The following SOCS5 variants were observed in gnomAD, a reference collection of about 807,000 sequenced individuals.
SOCS5 encodes the protein CIS-6.
SOCS5 carries 32 observed loss-of-function variants against 42.8 expected under a neutral mutation model. The ratio of observed to expected loss-of-function variants is 0.75; its 90% CI spans 0.56 to 1.01. The LOEUF (loss-of-function observed/expected upper bound fraction) is 1.01, where lower values mean the gene tolerates loss of function less well. SOCS5 is among the 50% of genes least tolerant of loss of function. The pLI is 0.00. For missense variants in SOCS5, 627 were observed against 653.0 expected, an observed-to-expected ratio of 0.96 and a Z score of 0.43; for synonymous variants, 283 against 229.6, an observed-to-expected ratio of 1.23 and a Z score of -2.10.
At chr2:46,754,472 A>G (rs1173501810) in intron 1 of SOCS5, among the ~76,000 whole-genome samples, 2 of 152,128 alleles carry the variant, frequency 1.3e-5, no homozygotes, top group African/African-American at 4.8e-5. Context: ...TTGACATTTA[A>G]TTAAATCACA....
rs1673873797 is a variant in SOCS5 at position 46,761,700 on chromosome 2, T to G, written c.*1559T>G. ...TAAATAAGCATTAACTAACAACCTT[T>G]CTATAGTTAATGCAGAGTTAATGAA... On this transcript the variant is annotated 3_prime_UTR_variant, in exon 2 of 2. Coordinates refer to ENST00000394861, the MANE Select transcript of SOCS5 (RefSeq NM_144949.3). 1 of 166,768 alleles carries G rather than the reference T, an allele frequency of 6.0e-6. No homozygotes were observed. The highest frequency in any genetic ancestry group is 1.5e-5 in the Non-Finnish European group (1 of 68,086). The allele number at this position is 166,768 out of a possible 1,614,324, so 10.3% of individuals were successfully genotyped here. A position where few individuals can be genotyped will look rare whatever the true frequency, so the allele number is the denominator to read the frequency against.
intron 1 of SOCS5, among the ~76,000 whole-genome samples, chr2:46,710,819 T>A (rs1558399956): frequency 6.6e-6 from 1 of 152,232 alleles, no homozygotes; most frequent in African/African-American, 2.4e-5. Flanking sequence ...AAAGAGCCCC[T>A]GTGCTCTCTT....
intron 1 of SOCS5, among the ~76,000 whole-genome samples, chr2:46,727,602 G>A (rs939304266): frequency 2.6e-5 from 4 of 152,078 alleles, no homozygotes; most frequent in Non-Finnish European, 4.4e-5. Flanking sequence ...GTAGTGCTTC[G>A]CTGTTTGGGT....
intron 1 of SOCS5, among the ~76,000 whole-genome samples, chr2:46,751,303 T>A (rs1673618069): frequency 6.6e-6 from 1 of 152,140 alleles, no homozygotes; most frequent in Non-Finnish European, 1.5e-5. Context: ...CTTTGATTAC[T>A]CACTTCAAAG....
intron 1 of SOCS5, among the ~76,000 whole-genome samples, chr2:46,742,690 G>A (rs1418699411): frequency 1.3e-5 from 2 of 151,682 alleles, no homozygotes; most frequent in East Asian, 3.9e-4. Flanking sequence ...TTTTGAGACA[G>A]AGTCTCGCTC....
chr2:46,708,191 A>T (rs1300457249), intron 1 of SOCS5, among the ~76,000 whole-genome samples: 1 of 152,208 alleles, frequency 6.6e-6, no homozygotes, highest in African/African-American at 2.4e-5. Context: ...GGTCTGAATT[A>T]AGGAATTTGT....
At chr2:46,714,957 A>G (rs1049494115) in intron 1 of SOCS5, among the ~76,000 whole-genome samples, 1 of 152,044 alleles carries the variant, frequency 6.6e-6, no homozygotes, top group African/African-American at 2.4e-5. Flanking sequence ...CTAATATTTT[A>G]CCACTTAATG....
intron 1 of SOCS5, among the ~76,000 whole-genome samples, chr2:46,714,914 G>A (rs181499097): frequency 7.9e-5 from 12 of 151,198 alleles, no homozygotes; most frequent in South Asian, 2.1e-4. Context: ...TTTTATTGGC[G>A]GCCTTAATTA....
intron 1 of SOCS5, among the ~76,000 whole-genome samples, chr2:46,744,458 C>T (rs1032637180): frequency 6.6e-6 from 1 of 151,942 alleles, no homozygotes; most frequent in Non-Finnish European, 1.5e-5. Context: ...AATTTGATTA[C>T]AGTTAGAACA....
At chr2:46,719,802 T>A (rs76522095) in intron 1 of SOCS5, among the ~76,000 whole-genome samples, 1,655 of 152,250 alleles carry the variant, frequency 0.011, 33 homozygotes, top group African/African-American at 0.038. Flanking sequence ...CAGGGAAGCA[T>A]CATTCATACC....
At chr2:46,740,356 G>C (rs531754562) in intron 1 of SOCS5, among the ~76,000 whole-genome samples, 1 of 152,260 alleles carries the variant, frequency 6.6e-6, no homozygotes, top group South Asian at 2.1e-4. Flanking sequence ...CTTACAATTG[G>C]CTATATTTGG....
At chr2:46,708,340 C>A (rs1043233135) in intron 1 of SOCS5, among the ~76,000 whole-genome samples, 6 of 152,024 alleles carry the variant, frequency 3.9e-5, no homozygotes, top group African/African-American at 1.5e-4. Flanking sequence ...ATAATATATG[C>A]AAGTTTGGGA....
intron 1 of SOCS5, among the ~76,000 whole-genome samples, chr2:46,728,932 C>T (rs189013643): frequency 1.3e-5 from 2 of 152,294 alleles, no homozygotes; most frequent in Admixed American, 6.5e-5. Context: ...GGTACCAGGG[C>T]TAGCATCGTC....
intron 1 of SOCS5, among the ~76,000 whole-genome samples, chr2:46,704,001 G>A (rs1672405042): frequency 6.6e-6 from 1 of 152,094 alleles, no homozygotes; most frequent in African/African-American, 2.4e-5. Flanking sequence ...AAAAATTGTA[G>A]GGAATGATTT....
chr2:46,744,793 G>A (rs1221175184), intron 1 of SOCS5, among the ~76,000 whole-genome samples: 1 of 151,768 alleles, frequency 6.6e-6, no homozygotes, highest in Non-Finnish European at 1.5e-5. Context: ...CTCCCAAAGT[G>A]CAGGGCTCAC....
At chr2:46,700,384 A>C (rs1672313644) in intron 1 of SOCS5, among the ~76,000 whole-genome samples, 1 of 152,164 alleles carries the variant, frequency 6.6e-6, no homozygotes, top group Non-Finnish European at 1.5e-5. Context: ...TACACCTTGA[A>C]ATTCTTGTAG....
At chr2:46,700,954 C>A (rs1378166013) in intron 1 of SOCS5, among the ~76,000 whole-genome samples, 3 of 152,084 alleles carry the variant, frequency 2.0e-5, no homozygotes, top group African/African-American at 7.2e-5. Context: ...ATTTGTATAT[C>A]ATATTTTGGC....
At chr2:46,706,525 T>C (rs1160072107) in intron 1 of SOCS5, among the ~76,000 whole-genome samples, 1 of 152,218 alleles carries the variant, frequency 6.6e-6, no homozygotes, top group Non-Finnish European at 1.5e-5. Flanking sequence ...AAGCTAGGAA[T>C]GTCTTGGTGT....
intron 1 of SOCS5, among the ~76,000 whole-genome samples, chr2:46,730,779 A>G (rs1054082015): frequency 3.9e-5 from 6 of 152,248 alleles, no homozygotes; most frequent in Non-Finnish European, 7.3e-5. Context: ...TTTATTAATC[A>G]GTCTATAATT....
Sources: allele counts gnomAD v4.1 joint callset (sites outside exome capture counted in the v4.1 genomes callset), GRCh38; gene constraint gnomAD v4.1.1; transcripts MANE v1.5; gene names NCBI Gene and HGNC (gene_info 2026-07-23, HGNC 2026-07-21).